CRIM1: variants seen among roughly 807,000 people sequenced by gnomAD.
CRIM1 encodes the protein cysteine-rich motor neuron 1 protein.
In CRIM1, 32 loss-of-function variants were observed where a neutral mutation model predicts 116.4. The observed-to-expected ratio is 0.27, with a 90% confidence interval of 0.21 to 0.37. The LOEUF (loss-of-function observed/expected upper bound fraction) is 0.37, where lower values mean the gene tolerates loss of function less well. Among genes scored for constraint, CRIM1 ranks in the 10% least tolerant of loss-of-function variants. The pLI is 1.00. For missense variants in CRIM1, 1,331 were observed against 1,354.8 expected, an observed-to-expected ratio of 0.98 and a Z score of 0.28; for synonymous variants, 590 against 509.2, an observed-to-expected ratio of 1.16 and a Z score of -2.13.
At chr2:36,531,543 T>A (rs1462460456) in intron 13 of CRIM1, among the ~76,000 whole-genome samples, 1 of 152,152 alleles carries the variant, frequency 6.6e-6, no homozygotes, top group Admixed American at 6.5e-5. Context: ...TTCTAGATTT[T>A]CCCTAGCTGT....
intron 9 of CRIM1, among the ~76,000 whole-genome samples, chr2:36,511,675 G>A (rs1664692837): frequency 6.6e-6 from 1 of 152,146 alleles, no homozygotes; most frequent in African/African-American, 2.4e-5. Context: ...TGGACACCTT[G>A]GACAACTGAA....
At chr2:36,536,916 C>T (rs983559383) in intron 13 of CRIM1, among the ~76,000 whole-genome samples, 1 of 151,614 alleles carries the variant, frequency 6.6e-6, no homozygotes, top group Admixed American at 6.6e-5. Flanking sequence ...TATCTCGGTG[C>T]TGACTCCCAC....
At chr2:36,385,721 G>C (rs1572612424) in intron 1 of CRIM1, among the ~76,000 whole-genome samples, 2 of 152,186 alleles carry the variant, frequency 1.3e-5, no homozygotes, top group East Asian at 3.9e-4. Context: ...TTGAAATTTT[G>C]CCCAGCCTTT....
chr2:36,549,851 AC>A lies in CRIM1; in HGVS notation c.*1151del, dbSNP rs1197044421. 2.0e-5 allele frequency: 3 copies of A among 151,502 alleles called. No individual in the cohort carries two copies. Among genetic ancestry groups the A allele is most frequent in the Non-Finnish European group, 4.4e-5 (3 of 67,820 alleles). The allele number at this position is 151,502 out of a possible 1,614,324, so 9.4% of individuals were successfully genotyped here. A position where few individuals can be genotyped will look rare whatever the true frequency, so the allele number is the denominator to read the frequency against. Reference sequence around the variant, plus strand: ...GCATGTGTATATAATATATATATATACATATATATTTATACACATACAATTT... The same window carrying A: ...GCATGTGTATATAATATATATATATAATATATATTTATACACATACAATTT... On this transcript the variant is annotated 3_prime_UTR_variant, in exon 17 of 17. Coordinates refer to ENST00000280527, the MANE Select transcript of CRIM1 (RefSeq NM_016441.3).
chr2:36,515,948 C>T (rs1474316493), intron 11 of CRIM1, among the ~76,000 whole-genome samples: 2 of 152,284 alleles, frequency 1.3e-5, no homozygotes, highest in East Asian at 3.9e-4. Flanking sequence ...CCATCTTGTT[C>T]AGCACAGTTT....
At chr2:36,479,369 C>T in intron 6 of CRIM1, 128 bp from the exon 7 acceptor site, 1 of 860,706 alleles carries the variant, frequency 1.2e-6, no homozygotes, top group Middle Eastern at 3.4e-4. Context: ...CAACCCTGCG[C>T]TTCTGTTGAT....
rs1271893332 is a variant in CRIM1, at chr2:36,356,979, G to T, written c.331+356G>T. Among the ~76,000 whole-genome samples the T allele has an allele frequency of 2.6e-5, 4 of 152,194 alleles. No homozygotes were observed. Among genetic ancestry groups the T allele is most frequent in the Non-Finnish European group, 5.9e-5 (4 of 68,030 alleles). On this transcript the variant is annotated intron_variant, in intron 1 of 16. Transcript: ENST00000280527. This position sits in a 1 kb window ranked among gnomAD's most constrained non-coding sequence, Gnocchi z 4.3. ...GCGGGCGGGGGGCACTGCAGATTCT[G>T]CCGCGCGCGAGCCCCTCGGGGAGCC...
At chr2:36,545,027 G>A (rs954878883) in intron 15 of CRIM1, among the ~76,000 whole-genome samples, 7 of 152,068 alleles carry the variant, frequency 4.6e-5, no homozygotes, top group African/African-American at 1.2e-4. Context: ...CAGTCTGTGC[G>A]TAATAAAGAT....
Position 36,464,613 on chromosome 2 carries a change from G to T in CRIM1, c.949G>T (p.Gly317Trp), listed in dbSNP as rs1368091670. The T allele has an allele frequency of 6.2e-7, 1 of 1,614,004 alleles. No homozygotes were observed. The highest frequency in any genetic ancestry group is 8.5e-7 in the Non-Finnish European group (1 of 1,180,024). ...STPRIVSRGD[G>W]TPGKCCDVFE... is the part of the protein sequence containing the mutation. ...TCCCCGCATAGTCTCTCGTGGCGAT[G>T]GGACACCTGGAAAGTGCTGTGATGT... Residue 317 changes from glycine (G) to tryptophan (W), a missense_variant, in exon 5 of 17, where the codon GGG (glycine) becomes TGG (tryptophan). By Grantham distance (184) the Gly-to-Trp change is radical. Transcript: ENST00000280527.
chr2:36,544,218 T>G (rs1318101705), intron 14 of CRIM1, among the ~76,000 whole-genome samples, 158 bp from the exon 15 acceptor site: 1 of 152,238 alleles, frequency 6.6e-6, no homozygotes, highest in African/African-American at 2.4e-5. Context: ...CTCGTGATTC[T>G]CTAGCATGAG....
rs538230390 is a variant in CRIM1 at position 36,356,965 on chromosome 2, G to C, written c.331+342G>C. On this transcript the variant is annotated intron_variant, in intron 1 of 16. Transcript: ENST00000280527. This position sits in a 1 kb window ranked among gnomAD's most constrained non-coding sequence, Gnocchi z 4.3. The stretch of plus-strand genomic sequence containing the variant: ...GAGGTGGGGGCGCCGCGGGCGGGGG[G>C]CACTGCAGATTCTGCCGCGCGCGAG... 6.6e-6 allele frequency among the ~76,000 whole-genome samples: 1 copy of C among 152,266 alleles called. No homozygotes were observed. The highest frequency in any genetic ancestry group is 2.4e-5 in the African/African-American group (1 of 41,580).
At chr2:36,416,837 G>C (rs1339514365) in intron 2 of CRIM1, among the ~76,000 whole-genome samples, 3 of 152,210 alleles carry the variant, frequency 2.0e-5, no homozygotes, top group Non-Finnish European at 4.4e-5. Context: ...CTGATTAATG[G>C]GAGAATCTGT....
chr2:36,462,492 G>T (rs752051259), intron 4 of CRIM1, among the ~76,000 whole-genome samples: 1 of 152,236 alleles, frequency 6.6e-6, no homozygotes, highest in African/African-American at 2.4e-5. Flanking sequence ...AACCCAGCAC[G>T]TAAGTGCACG....
chr2:36,392,775 A>G (rs1307541737), intron 1 of CRIM1, among the ~76,000 whole-genome samples: 2 of 152,230 alleles, frequency 1.3e-5, no homozygotes, highest in Non-Finnish European at 2.9e-5. Flanking sequence ...ACCATTTCCC[A>G]AGAAGAAAAA....
intron 13 of CRIM1, chr2:36,532,014 C>T (rs763091098): frequency 2.1e-6 from 1 of 470,310 alleles, no homozygotes; most frequent in Non-Finnish European, 4.4e-6. Flanking sequence ...CTTGCAGAGA[C>T]TTTGTTTCTG....
At chr2:36,521,715 T>A (rs1392196857) in intron 12 of CRIM1, among the ~76,000 whole-genome samples, 2 of 152,194 alleles carry the variant, frequency 1.3e-5, no homozygotes, top group African/African-American at 4.8e-5. Context: ...TCCCATTAGC[T>A]ACGGCTAGAT....
intron 2 of CRIM1, among the ~76,000 whole-genome samples, chr2:36,412,981 GA>G (rs975397899): frequency 3.9e-5 from 6 of 152,196 alleles, no homozygotes; most frequent in African/African-American, 1.4e-4. Context: ...ATATCCCCAG[GA>G]AAAAGGTTAT....
intron 2 of CRIM1, among the ~76,000 whole-genome samples, chr2:36,424,874 C>T (rs1402208308): frequency 6.6e-6 from 1 of 152,152 alleles, no homozygotes; most frequent in Non-Finnish European, 1.5e-5. Context: ...CAAAATATAA[C>T]AGATTGCCTG....
intron 7 of CRIM1, among the ~76,000 whole-genome samples, chr2:36,492,114 A>G (rs1242296895): frequency 1.3e-5 from 2 of 152,226 alleles, no homozygotes; most frequent in East Asian, 3.8e-4. Flanking sequence ...TAATATGTCT[A>G]ACAGCCAAGA....
Sources: allele counts gnomAD v4.1 joint callset (sites outside exome capture counted in the v4.1 genomes callset), GRCh38; gene constraint gnomAD v4.1.1; non-coding constraint Gnocchi (gnomAD v3.1); transcripts MANE v1.5; gene names NCBI Gene and HGNC (gene_info 2026-07-23, HGNC 2026-07-21).